The following KSR1 variants were observed in gnomAD, a reference collection of about 807,000 sequenced individuals.
KSR1 encodes the protein kinase suppressor of ras 1.
In KSR1, 35 loss-of-function variants were observed where a neutral mutation model predicts 92.9. The ratio of observed to expected loss-of-function variants is 0.38; its 90% CI spans 0.29 to 0.50. The LOEUF (loss-of-function observed/expected upper bound fraction) is 0.50. Among genes scored for constraint, KSR1 ranks in the 20% least tolerant of loss-of-function variants. KSR1 has a pLI of 0.94. For synonymous variants in KSR1, 467 were observed against 472.6 expected (o/e 0.99, Z 0.15); for missense variants, 972 against 1,158.5 (o/e 0.84, Z 2.34).
At chr17:27,596,626 A>G (rs763288425) in intron 9 of KSR1, among the ~76,000 whole-genome samples, 2 of 152,322 alleles carry the variant, frequency 1.3e-5, no homozygotes, top group Admixed American at 6.5e-5. Context: ...CACTAGCCCA[A>G]GCCATCACCT....
chr17:27,591,489 G>C (rs892865655), intron 7 of KSR1, among the ~76,000 whole-genome samples: 1 of 152,192 alleles, frequency 6.6e-6, no homozygotes, highest in African/African-American at 2.4e-5. Context: ...CTGGGGCAAG[G>C]CACTTGCCTT....
At chr17:27,595,474 G>C (rs1181873539) in intron 9 of KSR1, among the ~76,000 whole-genome samples, 2 of 152,244 alleles carry the variant, frequency 1.3e-5, no homozygotes, top group Non-Finnish European at 2.9e-5. Context: ...GGAAATGGAA[G>C]CTCAGAGAGG....
chr17:27,518,378 TAAAG>T (rs1348315319), intron 1 of KSR1, among the ~76,000 whole-genome samples: 1 of 152,212 alleles, frequency 6.6e-6, no homozygotes, highest in Non-Finnish European at 1.5e-5. Context: ...TTAATATTCT[TAAAG>T]AAAAAGGCAG....
chr17:27,586,672 A>G (rs1405054347), intron 5 of KSR1, among the ~76,000 whole-genome samples: 1 of 152,208 alleles, frequency 6.6e-6, no homozygotes, highest in Non-Finnish European at 1.5e-5. Context: ...GGACTGGAGC[A>G]GTGAGATTAT....
chr17:27,563,358 G>T (rs2071914711), intron 2 of KSR1, among the ~76,000 whole-genome samples: 1 of 151,970 alleles, frequency 6.6e-6, no homozygotes, highest in Non-Finnish European at 1.5e-5. Flanking sequence ...TCAACTCCCG[G>T]ACTCAAGTTA....
At chr17:27,482,303 CA>C (rs1337970315) in intron 1 of KSR1, among the ~76,000 whole-genome samples, 2 of 152,064 alleles carry the variant, frequency 1.3e-5, no homozygotes, top group African/African-American at 2.4e-5. Flanking sequence ...GTTGCAGGAG[CA>C]GGGATTCACT....
rs1235290921 is a variant in KSR1, at chr17:27,554,434, C to T, written c.372+3726C>T. On this transcript the variant is annotated intron_variant, in intron 2 of 20. Transcript: ENST00000644974. ...GTGTTTACAGTTGCTCCCCATTGCT[C>T]GCATTACCGCCTGAGTTCCGCCAGC... 3.9e-5 allele frequency among the ~76,000 whole-genome samples: 6 copies of T among 152,328 alleles called. No individual in the cohort carries two copies. In the East Asian group the frequency reaches 7.7e-4, roughly 20 times the overall value.
intron 2 of KSR1, among the ~76,000 whole-genome samples, chr17:27,561,548 A>G (rs1234712280): frequency 2.6e-5 from 4 of 152,188 alleles, no homozygotes; most frequent in Admixed American, 2.0e-4. Flanking sequence ...CGGGGAAGGG[A>G]TGAAGCATGG....
chr17:27,606,805 AAGT>A (rs1234194322), intron 14 of KSR1, among the ~76,000 whole-genome samples: 24 of 152,024 alleles, frequency 1.6e-4, no homozygotes, highest in Non-Finnish European at 2.6e-4. Context: ...AAAAAAAAAA[AAGT>A]AGTTAATGAA....
chr17:27,526,044 T>TTTCTTTTCTTTTCTTTTCTTTC (rs1555576232), intron 1 of KSR1, among the ~76,000 whole-genome samples: 14 of 122,876 alleles, frequency 1.1e-4, no homozygotes, highest in South Asian at 2.8e-4. Context: ...TTTCTTTTCT[T>TTTCTTTTCTTTTCTTTTCTTTC]TCTCTCTCTC....
chr17:27,552,977 T>G (rs2071449948), intron 2 of KSR1, among the ~76,000 whole-genome samples: 1 of 152,132 alleles, frequency 6.6e-6, no homozygotes, highest in East Asian at 1.9e-4. Context: ...ACTCAGTGGG[T>G]ATAGAAACTC....
intron 2 of KSR1, among the ~76,000 whole-genome samples, chr17:27,555,261 T>C (rs986991103): frequency 7.2e-5 from 11 of 151,970 alleles, no homozygotes; most frequent in Non-Finnish European, 1.3e-4. Flanking sequence ...CCATCTCCTC[T>C]GGGGGTGTAT....
chr17:27,620,107 T>C (rs1304646526), intron 19 of KSR1, among the ~76,000 whole-genome samples: 1 of 152,240 alleles, frequency 6.6e-6, no homozygotes, highest in African/African-American at 2.4e-5. Flanking sequence ...TGCTTGGTTC[T>C]TCACTGATTC....
intron 1 of KSR1, among the ~76,000 whole-genome samples, chr17:27,473,721 C>T (rs1167483467): frequency 6.6e-6 from 1 of 151,952 alleles, no homozygotes; most frequent in East Asian, 1.9e-4. Context: ...GTGACGAGTC[C>T]CTGGGGAGAG....
intron 15 of KSR1, 63 bp from the exon 16 acceptor site, chr17:27,609,133 C>G (rs1316898041): frequency 1.3e-6 from 2 of 1,543,948 alleles, no homozygotes; most frequent in East Asian, 4.6e-5. Context: ...GGTAAATCAT[C>G]CAGCCCAGGG....
chr17:27,605,889 T>C, intron 14 of KSR1, 76 bp downstream of exon 14: 1 of 1,573,444 alleles, frequency 6.4e-7, no homozygotes, highest in Admixed American at 1.8e-5. Flanking sequence ...TTTGTGTGGA[T>C]GCCCTAGAGG....
intron 12 of KSR1, among the ~76,000 whole-genome samples, chr17:27,604,418 C>G (rs1400986274): frequency 6.6e-6 from 1 of 152,194 alleles, no homozygotes; most frequent in Non-Finnish European, 1.5e-5. Flanking sequence ...AGTGTCACAT[C>G]TGAAAAGGGG....
intron 1 of KSR1, among the ~76,000 whole-genome samples, chr17:27,533,138 TC>T (rs2070612964): frequency 6.6e-6 from 1 of 152,180 alleles, no homozygotes; most frequent in Non-Finnish European, 1.5e-5. Flanking sequence ...CAGCTGAACT[TC>T]CTGGGTTCAG....
At chr17:27,483,662 C>T (rs1227591455) in intron 1 of KSR1, 1 of 151,582 alleles carries the variant, frequency 6.6e-6, no homozygotes, top group East Asian at 1.9e-4. Context: ...TCTTAGGTGA[C>T]TGGACTGATG....
Sources: gnomAD v4.1 joint callset for allele counts (sites outside exome capture counted in the v4.1 genomes callset) on GRCh38, gnomAD v4.1.1 for gene constraint, MANE v1.5 for transcripts, NCBI Gene and HGNC (gene_info 2026-07-23, HGNC 2026-07-21) for gene names.